Variants in SLC35F4 observed in about 807,000 individuals in gnomAD.
SLC35F4 encodes chromosome 14 open reading frame 36.
In SLC35F4, 24 loss-of-function variants were observed where a neutral mutation model predicts 44.2. The observed-to-expected ratio is 0.54, with a 90% CI of 0.39 to 0.76. SLC35F4 has a LOEUF of 0.76. SLC35F4 is among the 30% of genes least tolerant of loss of function. The pLI, the probability that SLC35F4 is intolerant of heterozygous loss-of-function variation, is 0.00. For missense variants in SLC35F4, 562 were observed against 586.1 expected (o/e 0.96, Z 0.42); for synonymous variants, 238 against 223.6 (o/e 1.06, Z -0.57).
chr14:57,846,801 T>G (rs968175546), intron 1 of SLC35F4, among the ~76,000 whole-genome samples: 2 of 152,154 alleles, frequency 1.3e-5, no homozygotes, highest in African/African-American at 4.8e-5. Context: ...ATTAAATGTG[T>G]CAGGGGGTTT....
intron 1 of SLC35F4, among the ~76,000 whole-genome samples, chr14:57,752,603 G>T (rs979812666): frequency 6.6e-6 from 1 of 152,056 alleles, no homozygotes. Context: ...TGGGACTACA[G>T]GCGCACACTA....
downstream of SLC35F4, among the ~76,000 whole-genome samples, chr14:57,974,433 G>A (rs1881150013): frequency 1.3e-5 from 2 of 152,222 alleles, no homozygotes; most frequent in Admixed American, 1.3e-4. Context: ...AAGATGGGGA[G>A]TTAGACTCCA....
chr14:57,740,591 G>A (rs990906067), intron 1 of SLC35F4, among the ~76,000 whole-genome samples: 2 of 152,102 alleles, frequency 1.3e-5, no homozygotes, highest in Admixed American at 6.5e-5. Flanking sequence ...AAGAGAAGTA[G>A]GGTAACTATA....
intron 1 of SLC35F4, among the ~76,000 whole-genome samples, chr14:57,601,465 C>G (rs1013623009): frequency 2.6e-5 from 4 of 152,112 alleles, no homozygotes; most frequent in African/African-American, 7.2e-5. Context: ...CCCTTTCCCC[C>G]CTCCTCCCTC....
chr14:57,626,840 T>C (rs1230849265), intron 1 of SLC35F4, among the ~76,000 whole-genome samples: 1 of 147,462 alleles, frequency 6.8e-6, no homozygotes, highest in African/African-American at 2.5e-5. Flanking sequence ...AAAGCTAATT[T>C]AAAGAAGAAA....
chr14:57,796,620 A>G (rs1219643758), intron 1 of SLC35F4, among the ~76,000 whole-genome samples: 1 of 152,204 alleles, frequency 6.6e-6, no homozygotes, highest in Non-Finnish European at 1.5e-5. Context: ...TAGCAGCAAA[A>G]CATTGAATTT....
chr14:57,873,703 C>A (rs1421749641), intron 1 of SLC35F4, among the ~76,000 whole-genome samples: 1 of 151,900 alleles, frequency 6.6e-6, no homozygotes, highest in Admixed American at 6.6e-5. Flanking sequence ...TCCAAGTGTT[C>A]TGAAATATAA....
intron 1 of SLC35F4, among the ~76,000 whole-genome samples, chr14:57,725,537 G>T (rs560071011): frequency 3.3e-5 from 5 of 152,074 alleles, no homozygotes; most frequent in Non-Finnish European, 7.4e-5. Context: ...TGCCTTATCT[G>T]CCATTATGGT....
chr14:57,714,813 C>T (rs140711999), intron 1 of SLC35F4, among the ~76,000 whole-genome samples: 2,031 of 102,676 alleles, frequency 0.02, 22 homozygotes, highest in South Asian at 0.075. Flanking sequence ...CAGAAGAGGA[C>T]GATCTACACC....
At chr14:57,577,819 A>G (rs1268380196) in intron 4 of SLC35F4, among the ~76,000 whole-genome samples, 1 of 152,204 alleles carries the variant, frequency 6.6e-6, no homozygotes, top group Non-Finnish European at 1.5e-5. Flanking sequence ...CAATCAAAAA[A>G]TTATCTTTTA....
chr14:57,759,318 A>G (rs774820548), intron 1 of SLC35F4, among the ~76,000 whole-genome samples: 1 of 152,140 alleles, frequency 6.6e-6, no homozygotes. Context: ...GGTGGCTCAC[A>G]TCTGTAATCC....
intron 1 of SLC35F4, among the ~76,000 whole-genome samples, chr14:57,758,007 G>A (rs1244452203): frequency 6.9e-5 from 9 of 129,676 alleles, no homozygotes; most frequent in Admixed American, 3.8e-4. Context: ...GTTCATGTGT[G>A]TGTGTGTGTG....
At chr14:57,603,597 C>CT (rs1437848108) in intron 1 of SLC35F4, among the ~76,000 whole-genome samples, 2 of 152,212 alleles carry the variant, frequency 1.3e-5, no homozygotes, top group African/African-American at 4.8e-5. Context: ...GGTTAAAGCC[C>CT]TACAGTACCA....
In SLC35F4 at chr14:57,811,558, C is replaced by A. The variant is rs1031641342; in HGVS notation, c.103+54165G>T. On this transcript the variant is annotated intron_variant, in intron 1 of 7. Transcript: ENST00000556826. ...TAAAGTGCTTTTAGCTTTTAAAGCA[C>A]CTTCATAGCTGTTTTCTTTGTTTTC... is the stretch of plus-strand genomic sequence containing the variant. Among the ~76,000 whole-genome samples the A allele has an allele frequency of 3.3e-5, 5 of 152,190 alleles. No individual in the cohort carries two copies. In the East Asian group the frequency reaches 7.7e-4, roughly 24 times the overall value.
intron 1 of SLC35F4, among the ~76,000 whole-genome samples, chr14:57,687,422 T>TA: frequency 6.6e-6 from 1 of 152,224 alleles, no homozygotes; most frequent in Non-Finnish European, 1.5e-5. Flanking sequence ...TGGTCTCCAA[T>TA]AAATAGCTGC....
At chr14:57,872,020 A>T (rs1888304446) in intron 1 of SLC35F4, among the ~76,000 whole-genome samples, 1 of 152,228 alleles carries the variant, frequency 6.6e-6, no homozygotes, top group African/African-American at 2.4e-5. Flanking sequence ...AGAGAAGACA[A>T]AACAAATTGT....
At position 57,569,768 on chromosome 14, in the gene SLC35F4, C is replaced by A. The variant is rs373492545; in HGVS notation, c.1126+20G>T. ...AAAGATTGATATAGGGAATGGAAGGCAAAACCCGAGGCCACTTACCCAGCC... is the reference window on the plus strand; with the variant it reads ...AAAGATTGATATAGGGAATGGAAGGAAAAACCCGAGGCCACTTACCCAGCC... On this transcript the variant is annotated intron_variant, in intron 6 of 7. Coordinates refer to ENST00000556826, the MANE Select transcript of SLC35F4 (RefSeq NM_001306087.2). The A allele has an allele frequency of 5.8e-6, 9 of 1,560,636 alleles. No homozygotes were observed. The highest frequency in any genetic ancestry group is 1.2e-5 in the South Asian group (1 of 80,016).
chr14:57,907,522 T>A (rs1313303225), intron 1 of SLC35F4, among the ~76,000 whole-genome samples: 1 of 152,212 alleles, frequency 6.6e-6, no homozygotes, highest in Non-Finnish European at 1.5e-5. Flanking sequence ...TTACTTTATG[T>A]GAATTAAATT....
chr14:57,871,892 C>T (rs922108668), intron 1 of SLC35F4, among the ~76,000 whole-genome samples: 4 of 152,172 alleles, frequency 2.6e-5, no homozygotes, highest in African/African-American at 9.7e-5. Flanking sequence ...AGTTTTAATT[C>T]CTTCCATAAA....
Sources: gnomAD v4.1 joint callset for allele counts (sites outside exome capture counted in the v4.1 genomes callset) on GRCh38, gnomAD v4.1.1 for gene constraint, MANE v1.5 for transcripts, NCBI Gene and HGNC (gene_info 2026-07-23, HGNC 2026-07-21) for gene names.